The following FAM228B variants were observed in gnomAD, a reference collection of about 807,000 sequenced individuals.
FAM228B encodes family with sequence similarity 228 member B.
Under a neutral mutation model 42.6 loss-of-function variants are expected in FAM228B, and 38 were observed. That is an observed-to-expected ratio of 0.89 (90% CI 0.69 to 1.17). FAM228B has a LOEUF of 1.17. FAM228B is among the 50% of genes most tolerant of loss of function. FAM228B has a pLI of 0.00. For synonymous variants in FAM228B, 109 were observed against 122.3 expected (o/e 0.89, Z 0.72); for missense variants, 344 against 367.3 (o/e 0.94, Z 0.52).
At chr2:24,136,752 T>C (rs1666601679) in intron 3 of FAM228B, among the ~76,000 whole-genome samples, 2 of 152,236 alleles carry the variant, frequency 1.3e-5, no homozygotes, top group Admixed American at 1.3e-4. Context: ...TTTCAGTGTA[T>C]GCGATATAAA....
intron 7 of FAM228B, 149 bp from the exon 8 acceptor site, chr2:24,161,357 G>T (rs915446655): frequency 4.9e-5 from 28 of 569,182 alleles, no homozygotes; most frequent in Admixed American, 2.9e-4. Context: ...TGGCTGAAGT[G>T]GGAGAGATCC....
chr2:24,077,750 C>T lies in FAM228B; in HGVS notation c.-290+781C>T, dbSNP rs762993794. On this transcript the variant is annotated intron_variant, in intron 1 of 10. Coordinates refer to the FAM228B transcript ENST00000613899. The surrounding 1 kb of genome is among the most constrained non-coding windows in gnomAD (Gnocchi z 5.5). ...TTTGCTCCGTGAAAGCATTCACCAGCATTTGCTTGTACTAAGACAAGGGAA... is the reference window on the plus strand; with the variant it reads ...TTTGCTCCGTGAAAGCATTCACCAGTATTTGCTTGTACTAAGACAAGGGAA... 1.8e-5 allele frequency: 29 copies of T among 1,613,318 alleles called. No individual in the cohort carries two copies. The highest frequency in any genetic ancestry group is 2.4e-5 in the Non-Finnish European group (28 of 1,179,588).
chr2:24,148,407 G>A (rs760992545), intron 7 of FAM228B, among the ~76,000 whole-genome samples: 3 of 152,148 alleles, frequency 2.0e-5, no homozygotes, highest in Admixed American at 6.5e-5. Flanking sequence ...ATGTGCTTAG[G>A]CCTCAGAAGC....
intron 2 of FAM228B, among the ~76,000 whole-genome samples, chr2:24,127,795 T>C (rs1380832997): frequency 6.6e-6 from 1 of 152,106 alleles, no homozygotes; most frequent in Non-Finnish European, 1.5e-5. Flanking sequence ...CCCGAGTAGC[T>C]GGGATTACAG....
intron 7 of FAM228B, among the ~76,000 whole-genome samples, chr2:24,157,907 A>G (rs1215083431): frequency 1.3e-5 from 2 of 152,146 alleles, no homozygotes; most frequent in African/African-American, 4.8e-5. Flanking sequence ...TCAGAAACTG[A>G]ACTAAGGTCT....
chr2:24,164,766 A>C (rs1667364367), intron 9 of FAM228B, among the ~76,000 whole-genome samples: 1 of 152,188 alleles, frequency 6.6e-6, no homozygotes, highest in African/African-American at 2.4e-5. Flanking sequence ...AAATTTTCAA[A>C]AGGACCAATA....
chr2:24,150,753 C>T (rs1386879077), intron 7 of FAM228B, among the ~76,000 whole-genome samples: 1 of 152,030 alleles, frequency 6.6e-6, no homozygotes, highest in Admixed American at 6.6e-5. Flanking sequence ...TGTCATGCCA[C>T]TCTCTCCTGG....
In FAM228B at chr2:24,169,487, C is replaced by A; in HGVS notation, c.*146C>A. The A allele has an allele frequency of 6.2e-6, 2 of 320,700 alleles. No homozygotes were observed. The highest frequency in any genetic ancestry group is 1.5e-5 in the Non-Finnish European group (2 of 136,878). The allele number at this position is 320,700 out of a possible 1,614,324, so 19.9% of individuals were successfully genotyped here. A position where few individuals can be genotyped will look rare whatever the true frequency, so the allele number is the denominator to read the frequency against. On this transcript the variant is annotated 3_prime_UTR_variant, in exon 11 of 11. Transcript: ENST00000615575. The surrounding 1 kb of genome is among the most constrained non-coding windows in gnomAD (Gnocchi z 4.2). ...GCCAAGGACGGCACTCAAGAATTGTCCTGTCTCTAAAAAAAAAGCATCTGC... is the reference window on the plus strand; with the variant it reads ...GCCAAGGACGGCACTCAAGAATTGTACTGTCTCTAAAAAAAAAGCATCTGC...
intron 4 of FAM228B, among the ~76,000 whole-genome samples, chr2:24,138,805 G>T (rs1333612055): frequency 1.3e-5 from 2 of 151,670 alleles, no homozygotes; most frequent in Admixed American, 1.3e-4. Context: ...AATTAGCCAG[G>T]CATGGTGGTG....
chr2:24,143,885 C>T (rs1054963737), intron 5 of FAM228B, among the ~76,000 whole-genome samples: 59 of 151,992 alleles, frequency 3.9e-4, no homozygotes, highest in African/African-American at 1.4e-3. Context: ...CGGTGGCTTA[C>T]GCCTGTAATC....
rs1173731949 is a variant in FAM228B at position 24,129,309 on chromosome 2, T to C, written c.99+4849T>C. Among the ~76,000 whole-genome samples, 4 of 150,588 alleles carry C rather than the reference T, an allele frequency of 2.7e-5. No homozygotes were observed. The East Asian group carries it at 7.8e-4, about 29-fold the overall frequency. Reference sequence around the variant, plus strand: ...ACTGTTGTTTCATCTATTTTATCTTTTTTTTTTTTTTTTAGTTGTTTCAGG... The same window carrying C: ...ACTGTTGTTTCATCTATTTTATCTTCTTTTTTTTTTTTTAGTTGTTTCAGG... On this transcript the variant is annotated intron_variant, in intron 2 of 10. Coordinates refer to ENST00000615575, the MANE Select transcript of FAM228B (RefSeq NM_001145710.2).
chr2:24,096,878 C>G (rs1665507213), intron 3 of FAM228B: 1 of 152,108 alleles, frequency 6.6e-6, no homozygotes, highest in Non-Finnish European at 1.5e-5. Flanking sequence ...TAAGGGCAGC[C>G]AAAGAGAAAG....
At position 24,153,040 on chromosome 2, in the gene FAM228B, C is replaced by A. The variant is rs554945622; in HGVS notation, c.686+5954C>A. ...TTACTTAAAGCCCAAGAGCTCTTCC[C>A]TTCAGCTTGTGGTGAATGCTGCCAG... is the stretch of plus-strand genomic sequence containing the variant. On this transcript the variant is annotated intron_variant, in intron 7 of 10. Transcript: ENST00000615575. 4.6e-5 allele frequency among the ~76,000 whole-genome samples: 7 copies of A among 152,300 alleles called. No individual in the cohort carries two copies. In the South Asian group the frequency reaches 1.5e-3, roughly 32 times the overall value.
At chr2:24,118,556 TAAAC>T (rs771738217), upstream of FAM228B, among the ~76,000 whole-genome samples, 118 of 152,254 alleles carry the variant, frequency 7.8e-4, no homozygotes, top group Non-Finnish European at 1.4e-3. Flanking sequence ...ACAATCTAGA[TAAAC>T]AAAGAACTGT....
Position 24,077,424 on chromosome 2 carries a change from G to T in FAM228B, c.-290+455G>T. The T allele has an allele frequency of 1.1e-6, 1 of 924,712 alleles. No individual in the cohort carries two copies. The highest frequency in any genetic ancestry group is 1.5e-6 in the Non-Finnish European group (1 of 667,378). 57.3% of individuals were successfully genotyped at this position (924,712 alleles called of 1,614,324 possible). On this transcript the variant is annotated intron_variant, in intron 1 of 10. Coordinates refer to the FAM228B transcript ENST00000613899. This position sits in a 1 kb window ranked among gnomAD's most constrained non-coding sequence, Gnocchi z 5.5. ...CCCCGCCGCGGCGGCCCCAGTCCGC[G>T]TGCCACCCTTCCAGTTCACTCTTTA...
At chr2:24,142,624 A>C (rs2151021416) in intron 5 of FAM228B, 1 of 152,346 alleles carries the variant, frequency 6.6e-6, no homozygotes, top group Non-Finnish European at 1.5e-5. Flanking sequence ...TACTTGAAAG[A>C]ATGACTTACA....
upstream of FAM228B, among the ~76,000 whole-genome samples, chr2:24,121,500 A>G (rs957445578): frequency 1.3e-5 from 2 of 152,248 alleles, no homozygotes; most frequent in South Asian, 2.1e-4. Context: ...GTATCCATAA[A>G]TATAAAATTT....
At chr2:24,090,816 G>A (rs1264865429) in intron 2 of FAM228B, among the ~76,000 whole-genome samples, 1 of 152,000 alleles carries the variant, frequency 6.6e-6, no homozygotes, top group Non-Finnish European at 1.5e-5. Context: ...TAAAAGACAA[G>A]GTCTCATTCT....
chr2:24,078,480 T>TAAAAAAAAAAAAAAAAAAAAAAA (rs36089798), intron 1 of FAM228B, among the ~76,000 whole-genome samples: 1 of 104,954 alleles, frequency 9.5e-6, no homozygotes. Context: ...CCTGTCTCCA[T>TAAAAAAAAAAAAAAAAAAAAAAA]AAAAAAAAAA....
Sources: gnomAD v4.1 joint callset for allele counts (sites outside exome capture counted in the v4.1 genomes callset) on GRCh38, gnomAD v4.1.1 for gene constraint, Gnocchi (gnomAD v3.1) non-coding constraint, MANE v1.5 for transcripts, NCBI Gene and HGNC (gene_info 2026-07-23, HGNC 2026-07-21) for gene names.